Variants in SAMD8 observed in about 807,000 individuals in gnomAD.
SAMD8 encodes the protein sterile alpha motif domain containing 8.
SAMD8 carries 20 observed loss-of-function variants against 42.0 expected under a neutral mutation model. That is an observed-to-expected ratio of 0.48 (90% CI 0.34 to 0.69). SAMD8 has a LOEUF of 0.69. Among genes scored for constraint, SAMD8 ranks in the 30% least tolerant of loss-of-function variants. The pLI is 0.01. For synonymous variants in SAMD8, 162 were observed against 173.0 expected, an observed-to-expected ratio of 0.94 and a Z score of 0.50; for missense variants, 328 against 511.6, an observed-to-expected ratio of 0.64 and a Z score of 3.46.
intron 1 of SAMD8, among the ~76,000 whole-genome samples, chr10:75,137,853 A>C (rs1418682102): frequency 6.6e-6 from 1 of 152,176 alleles, no homozygotes; most frequent in Non-Finnish European, 1.5e-5. Flanking sequence ...ATAACACTTA[A>C]AATGGTAAAA....
chr10:75,137,196 G>GTAA (rs2134454806), intron 1 of SAMD8, among the ~76,000 whole-genome samples: 1 of 152,312 alleles, frequency 6.6e-6, no homozygotes, highest in South Asian at 2.1e-4. Context: ...GGATGAATGT[G>GTAA]TAAACAAAAT....
chr10:75,112,699 T>C (rs1472661016), intron 1 of SAMD8, among the ~76,000 whole-genome samples: 3 of 152,212 alleles, frequency 2.0e-5, no homozygotes, highest in Non-Finnish European at 4.4e-5. Flanking sequence ...TCCTAAAAAT[T>C]TACTATATTA....
chr10:75,137,724 G>A (rs1163453438), intron 1 of SAMD8, among the ~76,000 whole-genome samples: 7 of 152,174 alleles, frequency 4.6e-5, no homozygotes, highest in Non-Finnish European at 5.9e-5. Context: ...GCATGAGGGG[G>A]ATAGTGAGTT....
chr10:75,168,537 A>C lies in SAMD8; in HGVS notation c.675-4A>C, dbSNP rs1840748136. On this transcript the variant is annotated splice_polypyrimidine_tract_variant and splice_region_variant and intron_variant, in intron 3 of 5. Transcript: ENST00000542569. ...TTTCCCCCTTTTTGGTTGATCTGTT[A>C]CAGGTCAATACTTCTGCGAAGGCTC... is the stretch of plus-strand genomic sequence containing the variant. The C allele has an allele frequency of 1.9e-6, 3 of 1,611,848 alleles. No individual in the cohort carries two copies. The highest frequency in any genetic ancestry group is 2.5e-6 in the Non-Finnish European group (3 of 1,178,364).
At chr10:75,103,432 A>G (rs2134372699) in intron 1 of SAMD8, among the ~76,000 whole-genome samples, 1 of 152,274 alleles carries the variant, frequency 6.6e-6, no homozygotes, top group South Asian at 2.1e-4. Context: ...ACCCTCTGCC[A>G]AGCTCCTCCC....
chr10:75,152,297 CGGATCACGAGGTCAGGA>C (rs1246439292), intron 2 of SAMD8, among the ~76,000 whole-genome samples: 1 of 142,644 alleles, frequency 7.0e-6, no homozygotes, highest in African/African-American at 2.6e-5. Flanking sequence ...CCGAGGCGGG[CGGATCACGAGGTCAGGA>C]GATCGAGACC....
At chr10:75,147,312 C>T (rs1840161289) in intron 1 of SAMD8, among the ~76,000 whole-genome samples, 1 of 151,882 alleles carries the variant, frequency 6.6e-6, no homozygotes, top group Non-Finnish European at 1.5e-5. Flanking sequence ...AGAAATCTGG[C>T]CTTGTATTTT....
At chr10:75,165,912 G>A (rs954048090) in intron 3 of SAMD8, among the ~76,000 whole-genome samples, 18 of 146,842 alleles carry the variant, frequency 1.2e-4, no homozygotes, top group African/African-American at 4.3e-4. Flanking sequence ...GGAGGTCAAG[G>A]TTGCAGTGAG....
chr10:75,139,129 T>A (rs1839960793), intron 1 of SAMD8, among the ~76,000 whole-genome samples: 1 of 148,294 alleles, frequency 6.7e-6, no homozygotes, highest in Non-Finnish European at 1.5e-5. Context: ...CCCGATTAAT[T>A]TTTTTTTTTT....
chr10:75,153,503 A>G (rs1248975271), intron 2 of SAMD8, among the ~76,000 whole-genome samples: 1 of 151,554 alleles, frequency 6.6e-6, no homozygotes, highest in Non-Finnish European at 1.5e-5. Flanking sequence ...TATCTCAGCT[A>G]CTCAGGAGAC....
intron 1 of SAMD8, among the ~76,000 whole-genome samples, chr10:75,141,853 C>CT (rs923467183): frequency 3.1e-4 from 47 of 151,510 alleles, no homozygotes; most frequent in African/African-American, 9.9e-4. Flanking sequence ...CCTTTTGCTT[C>CT]TTTTTTTTAT....
chr10:75,174,154 C>T (rs1271575025), intron 4 of SAMD8, among the ~76,000 whole-genome samples: 3 of 152,048 alleles, frequency 2.0e-5, no homozygotes, highest in African/African-American at 7.2e-5. Context: ...CGCTCTGTCG[C>T]CCAGGCTAGA....
At chr10:75,153,914 G>A (rs1246239012) in intron 2 of SAMD8, among the ~76,000 whole-genome samples, 2 of 151,886 alleles carry the variant, frequency 1.3e-5, no homozygotes, top group African/African-American at 2.4e-5. Context: ...ACAGACATGT[G>A]CCACCATGCC....
intron 2 of SAMD8, among the ~76,000 whole-genome samples, chr10:75,151,343 T>C (rs1840283523): frequency 2.0e-5 from 3 of 152,108 alleles, no homozygotes; most frequent in Admixed American, 2.0e-4. Flanking sequence ...TAATTTAATT[T>C]TAATTTTAAT....
intron 1 of SAMD8, chr10:75,101,796 T>C (rs1244476583): frequency 1.0e-6 from 1 of 987,586 alleles, no homozygotes; most frequent in South Asian, 1.3e-5. Flanking sequence ...GGCACAAGTG[T>C]CCTGGCCCTC....
At chr10:75,105,644 G>GC in intron 1 of SAMD8, 1 of 1,545,580 alleles carries the variant, frequency 6.5e-7, no homozygotes, top group Non-Finnish European at 8.7e-7. Context: ...ATCCAGCTTT[G>GC]CCCCCTGAGG....
intron 1 of SAMD8, chr10:75,101,795 G>A (rs1294338588): frequency 4.5e-6 from 4 of 880,730 alleles, no homozygotes; most frequent in Non-Finnish European, 5.1e-6. Flanking sequence ...AGGCACAAGT[G>A]TCCTGGCCCT....
At chr10:75,161,601 T>TA (rs957853852) in intron 2 of SAMD8, among the ~76,000 whole-genome samples, 8 of 150,536 alleles carry the variant, frequency 5.3e-5, no homozygotes, top group Non-Finnish European at 1.2e-4. Context: ...GACGAACACT[T>TA]AAAAAAAAAC....
intron 1 of SAMD8, among the ~76,000 whole-genome samples, chr10:75,128,899 TA>T (rs1198319465): frequency 6.6e-6 from 1 of 152,230 alleles, no homozygotes; most frequent in East Asian, 1.9e-4. Context: ...TTTTAGTGCC[TA>T]AATAGCAAAA....
Sources: allele counts gnomAD v4.1 joint callset (sites outside exome capture counted in the v4.1 genomes callset), GRCh38; gene constraint gnomAD v4.1.1; transcripts MANE v1.5; gene names NCBI Gene and HGNC (gene_info 2026-07-23, HGNC 2026-07-21).